The following PLEKHA6 variants were observed in gnomAD, a reference collection of about 807,000 sequenced individuals.
The protein encoded by PLEKHA6 is pleckstrin homology domain-containing family A member 6.
In PLEKHA6, 60 loss-of-function variants were observed where a neutral mutation model predicts 116.7. The ratio of observed to expected loss-of-function variants is 0.51; its 90% CI spans 0.42 to 0.64. The LOEUF is 0.64. Among genes scored for constraint, PLEKHA6 ranks in the 30% least tolerant of loss-of-function variants. The pLI, the probability that PLEKHA6 is intolerant of heterozygous loss-of-function variation, is 0.00. For synonymous variants in PLEKHA6, 489 were observed against 556.1 expected, an observed-to-expected ratio of 0.88 and a Z score of 1.70; for missense variants, 1,338 against 1,422.7, an observed-to-expected ratio of 0.94 and a Z score of 0.96.
At chr1:204,243,176 G>A (rs1039834561) in intron 15 of PLEKHA6, 12 of 399,432 alleles carry the variant, frequency 3.0e-5, no homozygotes, top group African/African-American at 1.0e-4. Context: ...GGCCAGAAGC[G>A]GCTCTCGCTA....
intron 1 of PLEKHA6, chr1:204,280,410 G>A (rs1422000415): frequency 1.2e-5 from 12 of 985,088 alleles, no homozygotes; most frequent in South Asian, 9.4e-5. Flanking sequence ...AATATTGAAC[G>A]ACTGGAGAAA....
chr1:204,352,330 G>A (rs1235229850), intron 1 of PLEKHA6, among the ~76,000 whole-genome samples: 4 of 148,324 alleles, frequency 2.7e-5, no homozygotes, highest in South Asian at 2.1e-4. Flanking sequence ...AGCCAAGATC[G>A]CACCACTGCA....
At chr1:204,303,495 T>C (rs1298913412) in intron 1 of PLEKHA6, among the ~76,000 whole-genome samples, 1 of 152,210 alleles carries the variant, frequency 6.6e-6, no homozygotes, top group Non-Finnish European at 1.5e-5. Context: ...TAGGGTGGTT[T>C]CAAACTGAGT....
At chr1:204,324,217 A>G (rs1672164343) in intron 1 of PLEKHA6, among the ~76,000 whole-genome samples, 2 of 152,116 alleles carry the variant, frequency 1.3e-5, no homozygotes, top group Non-Finnish European at 2.9e-5. Context: ...GATTGCTCTG[A>G]CTTTGATTGC....
intron 18 of PLEKHA6, 74 bp downstream of exon 18, chr1:204,230,339 C>A: frequency 7.9e-7 from 1 of 1,258,238 alleles, no homozygotes; most frequent in South Asian, 1.6e-5. Flanking sequence ...CAGGCCCAAG[C>A]TGGCCATGCC....
chr1:204,364,342 G>A (rs576370878), upstream of PLEKHA6, among the ~76,000 whole-genome samples: 3 of 152,330 alleles, frequency 2.0e-5, no homozygotes, highest in African/African-American at 7.2e-5. Flanking sequence ...AAGGTGCCAA[G>A]GATGCTGGGA....
intron 13 of PLEKHA6, among the ~76,000 whole-genome samples, chr1:204,246,490 T>C (rs932910861): frequency 6.6e-5 from 10 of 152,178 alleles, no homozygotes; most frequent in African/African-American, 1.9e-4. Context: ...ATTTGGGTCT[T>C]CTGGACCAGG....
At chr1:204,233,148 G>A (rs1661428482) in intron 17 of PLEKHA6, among the ~76,000 whole-genome samples, 1 of 150,142 alleles carries the variant, frequency 6.7e-6, no homozygotes, top group African/African-American at 2.5e-5. Context: ...TATTTTGAAA[G>A]CAGATTAATT....
intron 21 of PLEKHA6, among the ~76,000 whole-genome samples, chr1:204,227,092 C>G (rs1358899309): frequency 1.3e-5 from 2 of 152,176 alleles, no homozygotes; most frequent in African/African-American, 4.8e-5. Flanking sequence ...CCTCAATCAC[C>G]AACATGAAAC....
chr1:204,374,501 C>G (rs77174229), intron 1 of PLEKHA6, among the ~76,000 whole-genome samples: 3,240 of 152,236 alleles, frequency 0.021, 100 homozygotes, highest in African/African-American at 0.07. Flanking sequence ...CCAAAACTTA[C>G]CCAGATTCTC....
At chr1:204,281,283 T>C (rs1432951362) in intron 1 of PLEKHA6, among the ~76,000 whole-genome samples, 2 of 151,958 alleles carry the variant, frequency 1.3e-5, no homozygotes, top group Non-Finnish European at 2.9e-5. Context: ...CCCAGCACTT[T>C]GGGAGGCAGA....
chr1:204,297,279 T>C (rs1187586315), intron 1 of PLEKHA6: 1 of 861,774 alleles, frequency 1.2e-6, no homozygotes, highest in Non-Finnish European at 1.4e-6. Flanking sequence ...AAATGTAAAT[T>C]TCTCTTGTTG....
intron 1 of PLEKHA6, among the ~76,000 whole-genome samples, chr1:204,342,401 G>C (rs1336244826): frequency 2.0e-5 from 3 of 152,162 alleles, no homozygotes; most frequent in Non-Finnish European, 2.9e-5. Context: ...TACAGAAATA[G>C]CTTTATGTCC....
intron 1 of PLEKHA6, among the ~76,000 whole-genome samples, chr1:204,329,593 C>T (rs190133648): frequency 3.5e-4 from 53 of 152,264 alleles, no homozygotes; most frequent in African/African-American, 1.3e-3. Context: ...GTGCATACCA[C>T]GAATGGATTC....
intron 1 of PLEKHA6, among the ~76,000 whole-genome samples, chr1:204,295,758 C>T (rs1258546197): frequency 1.3e-5 from 2 of 152,112 alleles, no homozygotes; most frequent in Non-Finnish European, 2.9e-5. Flanking sequence ...GGAGGACCCA[C>T]AGCCCGAGAA....
chr1:204,339,643 A>G (rs1009156246), intron 1 of PLEKHA6, among the ~76,000 whole-genome samples: 5 of 152,210 alleles, frequency 3.3e-5, no homozygotes, highest in Non-Finnish European at 2.9e-5. Context: ...AACTAGGGGG[A>G]AAATCAGTAC....
At chr1:204,329,133 T>C (rs1672356823) in intron 1 of PLEKHA6, among the ~76,000 whole-genome samples, 1 of 152,190 alleles carries the variant, frequency 6.6e-6, no homozygotes, top group Non-Finnish European at 1.5e-5. Context: ...TGGGAAAGAT[T>C]TGTGTCTGAG....
At chr1:204,301,490 C>T (rs1256657264) in intron 1 of PLEKHA6, 26 of 985,370 alleles carry the variant, frequency 2.6e-5, no homozygotes, top group Non-Finnish European at 2.7e-5. Flanking sequence ...AGTCCAAACA[C>T]GCCACCCAAG....
chr1:204,331,528 T>G (rs968215005), intron 1 of PLEKHA6, among the ~76,000 whole-genome samples: 1 of 152,024 alleles, frequency 6.6e-6, no homozygotes, highest in Non-Finnish European at 1.5e-5. Context: ...AGAAGAACAT[T>G]CTGGAGGAAA....
Sources: allele counts gnomAD v4.1 joint callset (sites outside exome capture counted in the v4.1 genomes callset), GRCh38; gene constraint gnomAD v4.1.1; transcripts MANE v1.5; gene names NCBI Gene and HGNC (gene_info 2026-07-23, HGNC 2026-07-21).